OTOG: variants seen among roughly 807,000 people sequenced by gnomAD.
OTOG encodes the protein otogelin.
A neutral mutation model predicts 313.8 loss-of-function variants in OTOG; 296 were observed. The observed-to-expected ratio is 0.94, with a 90% CI of 0.86 to 1.04. The LOEUF (loss-of-function observed/expected upper bound fraction) is 1.04, where lower values mean the gene tolerates loss of function less well. Ranked by LOEUF, OTOG falls within the 50% of genes least tolerant of loss-of-function variation. The pLI is 0.00. For missense variants in OTOG, 3,948 were observed against 3,840.1 expected (o/e 1.03, Z -0.74); for synonymous variants, 1,533 against 1,554.9 (o/e 0.99, Z 0.33).
At position 17,641,030 on chromosome 11, in the gene OTOG, C is replaced by A; in HGVS notation, c.8129C>A (p.Pro2710His). Residue 2710 changes from proline to histidine, a missense_variant, in exon 51 of 56, where the codon CCT becomes CAT. Transcript: ENST00000399397. ...HTSRCTTVLDPLTNFYQINTT... is the reference protein window; with the variant it reads ...HTSRCTTVLDHLTNFYQINTT... ...TCCCGCTGCACCACCGTGCTCGACC[C>A]TCTCACCAACTTCTACCAGATCAAC... 1.9e-6 allele frequency: 3 copies of A among 1,547,634 alleles called. No homozygotes were observed. In the South Asian group the frequency reaches 3.6e-5, roughly 18 times the overall value.
chr11:17,632,765 C>T (rs549035424), intron 42 of OTOG, among the ~76,000 whole-genome samples: 53 of 152,264 alleles, frequency 3.5e-4, no homozygotes, highest in African/African-American at 1.2e-3. Context: ...ACAGGGGTGG[C>T]CTGGGCTAGG....
intron 30 of OTOG, among the ~76,000 whole-genome samples, chr11:17,597,905 G>C (rs1047382278): frequency 2.0e-5 from 3 of 152,226 alleles, no homozygotes; most frequent in Non-Finnish European, 2.9e-5. Context: ...GTCTGTAATA[G>C]AAGGGTGAAG....
At chr11:17,616,395 G>A (rs142416491) in intron 39 of OTOG, among the ~76,000 whole-genome samples, 11 of 152,278 alleles carry the variant, frequency 7.2e-5, no homozygotes, top group African/African-American at 2.6e-4. Context: ...TAGAAATTTA[G>A]AATCAGCTTT....
At chr11:17,640,052 A>G (rs1847938458) in intron 49 of OTOG, among the ~76,000 whole-genome samples, 1 of 151,930 alleles carries the variant, frequency 6.6e-6, no homozygotes, top group Non-Finnish European at 1.5e-5. Flanking sequence ...GGTGAGGATG[A>G]TGGTGGTGGT....
rs1003817742 is a variant in OTOG at position 17,635,731 on chromosome 11, A to G, written c.7795+20A>G. 2.6e-6 allele frequency: 4 copies of G among 1,541,608 alleles called. No homozygotes were observed. Among genetic ancestry groups the G allele is most frequent in the Admixed American group, 2.0e-5 (1 of 50,970 alleles). ...AGTGTGGTGAGTCCTGGCTGGGCACATGGCGGGCTGCGGCAGGAAGGGGCC... is the reference window on the plus strand; with the variant it reads ...AGTGTGGTGAGTCCTGGCTGGGCACGTGGCGGGCTGCGGCAGGAAGGGGCC... On this transcript the variant is annotated intron_variant, in intron 47 of 55. Coordinates refer to ENST00000399397, the MANE Select transcript of OTOG (RefSeq NM_001292063.2).
intron 28 of OTOG, among the ~76,000 whole-genome samples, chr11:17,594,916 G>T (rs1853055265): frequency 6.6e-6 from 1 of 152,190 alleles, no homozygotes; most frequent in Admixed American, 6.5e-5. Flanking sequence ...GAGCTATGTT[G>T]AGAAACATCC....
At chr11:17,558,739 C>G (rs1192502862) in intron 10 of OTOG, 95 bp downstream of exon 10, 1 of 1,243,042 alleles carries the variant, frequency 8.0e-7, no homozygotes, top group African/African-American at 1.5e-5. Context: ...CAGGCACTGC[C>G]AGATCTGCTT....
At chr11:17,603,023 G>A (rs1853293048) in intron 32 of OTOG, among the ~76,000 whole-genome samples, 1 of 152,204 alleles carries the variant, frequency 6.6e-6, no homozygotes, top group Non-Finnish European at 1.5e-5. Context: ...TACTTAGTAA[G>A]CTAAGCTCAG....
Position 17,641,763 on chromosome 11 carries a change from G to A in OTOG, c.8191-84G>A, listed in dbSNP as rs1847975204. On this transcript the variant is annotated intron_variant, in intron 51 of 55. Coordinates refer to ENST00000399397, the MANE Select transcript of OTOG (RefSeq NM_001292063.2). Reference sequence around the variant, plus strand: ...TTACAGAGGGTCCTTCCAGGCTCTGGGATCCCTCACAGATAACCAGGCAGT... The same window carrying A: ...TTACAGAGGGTCCTTCCAGGCTCTGAGATCCCTCACAGATAACCAGGCAGT... 7 of 992,994 alleles carry A rather than the reference G, an allele frequency of 7.0e-6. No individual in the cohort carries two copies. The South Asian group carries it at 1.1e-4, about 16-fold the overall frequency. 61.5% of individuals were successfully genotyped at this position (992,994 alleles called of 1,614,324 possible).
intron 50 of OTOG, 23 bp downstream of exon 50, chr11:17,640,843 C>T (rs1228189097): frequency 3.2e-6 from 5 of 1,550,004 alleles, no homozygotes; most frequent in Non-Finnish European, 3.5e-6. Context: ...AGCCTCGGGG[C>T]AGAGCCATGC....
intron 31 of OTOG, 84 bp downstream of exon 31, chr11:17,599,781 G>A (rs917733590): frequency 5.1e-5 from 74 of 1,464,822 alleles, no homozygotes; most frequent in Non-Finnish European, 6.4e-5. Flanking sequence ...CAGCCATCCC[G>A]AGGCGCTGCT....
intron 31 of OTOG, among the ~76,000 whole-genome samples, chr11:17,600,057 C>T (rs1853211563): frequency 6.6e-6 from 1 of 152,246 alleles, no homozygotes; most frequent in South Asian, 2.1e-4. Flanking sequence ...CTTGGGTTCC[C>T]CGAAGATTAG....
At position 17,569,143 on chromosome 11, in the gene OTOG, T is replaced by C; in HGVS notation, c.1645-13T>C. On this transcript the variant is annotated splice_polypyrimidine_tract_variant and intron_variant, in intron 15 of 55. Coordinates refer to ENST00000399397, the MANE Select transcript of OTOG (RefSeq NM_001292063.2). ...AGACCAACACTGCCCCATTGACCTT[T>C]CTATCTCTCCAGAACCAAGATGGAG... 1 of 1,550,608 alleles carries C rather than the reference T, an allele frequency of 6.4e-7. No individual in the cohort carries two copies. The highest frequency in any genetic ancestry group is 2.4e-5 in the East Asian group (1 of 40,922).
intron 23 of OTOG, among the ~76,000 whole-genome samples, chr11:17,585,294 C>T (rs1448523687): frequency 6.6e-6 from 1 of 152,184 alleles, no homozygotes; most frequent in African/African-American, 2.4e-5. Context: ...ATTCACTTAA[C>T]ATCGTACATC....
intron 27 of OTOG, 60 bp from the exon 28 acceptor site, chr11:17,593,987 C>A (rs1853024087): frequency 3.2e-6 from 5 of 1,546,306 alleles, no homozygotes; most frequent in Non-Finnish European, 1.7e-6. Context: ...GGTGACCCCT[C>A]TGCCCGTGGC....
At chr11:17,584,053 G>T (rs1165831940) in intron 23 of OTOG, among the ~76,000 whole-genome samples, 4 of 152,038 alleles carry the variant, frequency 2.6e-5, no homozygotes, top group Non-Finnish European at 5.9e-5. Flanking sequence ...ATAGGTATTT[G>T]CTGTTTTTGT....
rs1426823878 is a variant in OTOG at position 17,610,988 on chromosome 11, C to A, written c.5688C>A (p.Ser1896=). The A allele has an allele frequency of 6.4e-7, 1 of 1,550,582 alleles. No homozygotes were observed. The highest frequency in any genetic ancestry group is 1.2e-5 in the South Asian group (1 of 84,048). The change falls in exon 36 of 56, where the codon TCC becomes TCA. Residue 1896 remains serine, a synonymous_variant. Coordinates refer to ENST00000399397, the MANE Select transcript of OTOG (RefSeq NM_001292063.2). ...TGCCTGTGGCTGAGGGCACGGCCTC[C>A]ATGGTATCTGTTGTCCCACGAAAGA... ...GVLPVAEGTA[S]MVSVVPRKST... is the part of the protein sequence containing the mutation.
At chr11:17,604,538 C>T (rs1028157129) in intron 32 of OTOG, among the ~76,000 whole-genome samples, 9 of 152,218 alleles carry the variant, frequency 5.9e-5, no homozygotes, top group Admixed American at 5.2e-4. Context: ...CCTCATCCGC[C>T]GTCAGTGTGA....
At chr11:17,557,912 G>C (rs1852089470) in intron 8 of OTOG, among the ~76,000 whole-genome samples, 1 of 152,182 alleles carries the variant, frequency 6.6e-6, no homozygotes, top group Admixed American at 6.5e-5. Context: ...TCACACACCA[G>C]TTCTCTTTCC....
Sources: gnomAD v4.1 joint callset for allele counts (sites outside exome capture counted in the v4.1 genomes callset) on GRCh38, gnomAD v4.1.1 for gene constraint, MANE v1.5 for transcripts, NCBI Gene and HGNC (gene_info 2026-07-23, HGNC 2026-07-21) for gene names.